The following LRRC3B variants were observed in gnomAD, a reference collection of about 807,000 sequenced individuals.
LRRC3B encodes the protein leucine-rich repeat-containing protein 3B.
Under a neutral mutation model 12.8 loss-of-function variants are expected in LRRC3B, and 2 were observed. The observed-to-expected ratio is 0.16, with a 90% confidence interval of 0.06 to 0.49. LRRC3B has a LOEUF of 0.49. Ranked by LOEUF, LRRC3B falls within the 20% of genes least tolerant of loss-of-function variation. The probability of loss-of-function intolerance (pLI) is 0.96; values close to 1 mark genes in which losing one functional copy is unlikely to be tolerated. For synonymous variants in LRRC3B, 132 were observed against 122.0 expected (o/e 1.08, Z -0.54); for missense variants, 189 against 319.4 (o/e 0.59, Z 3.11).
chr3:26,691,105 G>GTATATATATA (rs1553605090), intron 1 of LRRC3B, among the ~76,000 whole-genome samples: 5,812 of 84,580 alleles, frequency 0.069, 319 homozygotes, highest in Non-Finnish European at 0.086. Flanking sequence ...GTGTGTGTGT[G>GTATATATATA]TATATATATA....
At chr3:26,675,825 A>C (rs1231439836) in intron 1 of LRRC3B, among the ~76,000 whole-genome samples, 2 of 152,168 alleles carry the variant, frequency 1.3e-5, no homozygotes, top group Non-Finnish European at 2.9e-5. Flanking sequence ...ACTAGCCCTT[A>C]TTCTAGAATG....
intron 1 of LRRC3B, chr3:26,694,833 T>G (rs1181791293): frequency 6.6e-6 from 1 of 152,156 alleles, no homozygotes; most frequent in East Asian, 1.9e-4. Context: ...ACGGAATAGG[T>G]TGTCTATCAA....
chr3:26,657,812 G>A (rs938871234), intron 1 of LRRC3B, among the ~76,000 whole-genome samples: 4 of 152,064 alleles, frequency 2.6e-5, no homozygotes, highest in Admixed American at 6.6e-5. Context: ...ACTATGAATC[G>A]ACGGGCATAG....
chr3:26,636,966 CTTTCTT>C (rs1285023529), intron 1 of LRRC3B, among the ~76,000 whole-genome samples: 1,331 of 118,636 alleles, frequency 0.011, 40 homozygotes, highest in East Asian at 0.022. Context: ...TTCTTTCTTT[CTTTCTT>C]TCTCTCTCTC....
intron 1 of LRRC3B, among the ~76,000 whole-genome samples, chr3:26,668,443 A>G (rs1699653592): frequency 6.6e-6 from 1 of 152,174 alleles, no homozygotes; most frequent in Non-Finnish European, 1.5e-5. Context: ...AAATTTTGCA[A>G]TGGAAATATG....
In LRRC3B at chr3:26,693,224, G is replaced by C. The variant is rs186366417; in HGVS notation, c.-160-16289G>C. ...CGTGCCTGTAGTCCCAGCTACACAG[G>C]AGGCTGAGGCAGGAGAATGGCGTGA... On this transcript the variant is annotated intron_variant, in intron 1 of 1. Transcript: ENST00000396641. Among the ~76,000 whole-genome samples, 1,191 of 148,622 alleles carry C rather than the reference G, an allele frequency of 8.0e-3. 59 individuals are homozygous for C. Among genetic ancestry groups the C allele is most frequent in the African/African-American group, 0.029 (1,112 of 38,720 alleles).
At chr3:26,706,305 A>G (rs1211573311) in intron 1 of LRRC3B, among the ~76,000 whole-genome samples, 2 of 152,138 alleles carry the variant, frequency 1.3e-5, no homozygotes, top group African/African-American at 4.8e-5. Flanking sequence ...AAGGACCCAC[A>G]TATTCAAACC....
At chr3:26,636,326 A>AT (rs77645926) in intron 1 of LRRC3B, among the ~76,000 whole-genome samples, 72 of 151,868 alleles carry the variant, frequency 4.7e-4, no homozygotes, top group African/African-American at 5.3e-4. Flanking sequence ...GAAGGATGTG[A>AT]TTTTTTTTTA....
At chr3:26,671,108 C>T (rs1416013967) in intron 1 of LRRC3B, among the ~76,000 whole-genome samples, 9 of 140,546 alleles carry the variant, frequency 6.4e-5, no homozygotes, top group Non-Finnish European at 9.2e-5. Context: ...CTCCGCCTCC[C>T]GGGTTCACGC....
At chr3:26,634,290 A>ACT (rs1698819421) in intron 1 of LRRC3B, among the ~76,000 whole-genome samples, 1 of 152,200 alleles carries the variant, frequency 6.6e-6, no homozygotes, top group Non-Finnish European at 1.5e-5. Flanking sequence ...AAGTGTTAGA[A>ACT]TTCTTCCTGG....
intron 1 of LRRC3B, among the ~76,000 whole-genome samples, chr3:26,704,767 C>T (rs988377638): frequency 6.6e-6 from 1 of 152,024 alleles, no homozygotes; most frequent in Non-Finnish European, 1.5e-5. Context: ...AAATAATCAA[C>T]CTTTTGTTTT....
At chr3:26,635,053 C>G (rs908306769) in intron 1 of LRRC3B, among the ~76,000 whole-genome samples, 1 of 152,182 alleles carries the variant, frequency 6.6e-6, no homozygotes, top group African/African-American at 2.4e-5. Context: ...TACAGAAGCA[C>G]ATTCATTATG....
intron 1 of LRRC3B, among the ~76,000 whole-genome samples, chr3:26,699,183 G>C (rs534250815): frequency 2.0e-5 from 3 of 152,216 alleles, no homozygotes; most frequent in Admixed American, 6.5e-5. Flanking sequence ...CATGAATACT[G>C]TATGTGATGT....
intron 1 of LRRC3B, among the ~76,000 whole-genome samples, chr3:26,633,036 A>G (rs770272313): frequency 1.3e-5 from 2 of 152,304 alleles, no homozygotes; most frequent in East Asian, 1.9e-4. Flanking sequence ...GTTTACAAGC[A>G]TATACCACTG....
chr3:26,643,386 T>C (rs13067538), intron 1 of LRRC3B, among the ~76,000 whole-genome samples: 128,986 of 152,060 alleles, frequency 0.85, 55,302 homozygotes, highest in East Asian at 0.99. Flanking sequence ...TGTGTTTATA[T>C]GTGTGTGATA....
intron 1 of LRRC3B, among the ~76,000 whole-genome samples, chr3:26,671,338 G>GTA (rs1416118114): frequency 3.3e-5 from 3 of 90,026 alleles, no homozygotes; most frequent in African/African-American, 1.7e-4. Context: ...AAATGTGTGT[G>GTA]TATATATGTG....
chr3:26,638,645 T>G (rs1292766347), intron 1 of LRRC3B, among the ~76,000 whole-genome samples: 1 of 151,812 alleles, frequency 6.6e-6, no homozygotes, highest in Non-Finnish European at 1.5e-5. Context: ...AAACATGCCA[T>G]AGTTCAACCT....
At position 26,695,582 on chromosome 3, in the gene LRRC3B, A is replaced by G. The variant is rs116261793; in HGVS notation, c.-160-13931A>G. 4.2e-3 allele frequency among the ~76,000 whole-genome samples: 647 copies of G among 152,262 alleles called. 4 individuals are homozygous for G. The highest frequency in any genetic ancestry group is 0.015 in the African/African-American group (622 of 41,550). ...ATTTTTCTTTTTTGCTGTAACAGAC[A>G]GTTTGAAAAAAACAGGTTTATATAC... On this transcript the variant is annotated intron_variant, in intron 1 of 1. Transcript: ENST00000396641.
At chr3:26,653,618 G>A (rs1699309930) in intron 1 of LRRC3B, among the ~76,000 whole-genome samples, 1 of 152,108 alleles carries the variant, frequency 6.6e-6, no homozygotes, top group Non-Finnish European at 1.5e-5. Context: ...TTAAAAAACA[G>A]TAAGATAACC....
Sources: allele counts gnomAD v4.1 joint callset (sites outside exome capture counted in the v4.1 genomes callset), GRCh38; gene constraint gnomAD v4.1.1; transcripts MANE v1.5; gene names NCBI Gene and HGNC (gene_info 2026-07-23, HGNC 2026-07-21).